Variants in SLC18A1 observed in about 807,000 individuals in gnomAD.
SLC18A1 encodes the protein solute carrier family 18 member A1.
In SLC18A1, 69 loss-of-function variants were observed where a neutral mutation model predicts 53.7. The observed-to-expected ratio is 1.28, with a 90% confidence interval of 1.06 to 1.57. SLC18A1 has a LOEUF of 1.57. Ranked by LOEUF, SLC18A1 falls within the 40% of genes most tolerant of loss-of-function variation. The pLI is 0.00. For synonymous variants in SLC18A1, 320 were observed against 248.1 expected, an observed-to-expected ratio of 1.29 and a Z score of -2.72; for missense variants, 932 against 668.1, an observed-to-expected ratio of 1.40 and a Z score of -4.35.
intron 10 of SLC18A1, among the ~76,000 whole-genome samples, chr8:20,161,916 C>T (rs143235837): frequency 7.1e-4 from 108 of 152,278 alleles, no homozygotes; most frequent in South Asian, 3.1e-3. Flanking sequence ...CATGCTGGTG[C>T]CCCTACAGTT....
intron 12 of SLC18A1, chr8:20,148,345 C>T (rs1585187610): frequency 1.3e-6 from 1 of 771,980 alleles, no homozygotes; most frequent in Non-Finnish European, 1.9e-6. Context: ...AGACTTGGCT[C>T]CATTATGCTC....
At chr8:20,158,012 G>T (rs916979234) in intron 10 of SLC18A1, among the ~76,000 whole-genome samples, 2 of 152,162 alleles carry the variant, frequency 1.3e-5, no homozygotes, top group Middle Eastern at 6.3e-3. Context: ...TCACTGGAAG[G>T]CCCACTGTCC....
At chr8:20,177,350 G>A (rs2072277069) in intron 4 of SLC18A1, among the ~76,000 whole-genome samples, 1 of 152,162 alleles carries the variant, frequency 6.6e-6, no homozygotes, top group South Asian at 2.1e-4. Flanking sequence ...AAGAAAAGTT[G>A]AGGAAGAGGA....
At chr8:20,148,988 A>G (rs1198336412) in intron 12 of SLC18A1, among the ~76,000 whole-genome samples, 1 of 152,084 alleles carries the variant, frequency 6.6e-6, no homozygotes, top group African/African-American at 2.4e-5. Flanking sequence ...ACATGCATAG[A>G]AAGTGGCAAA....
intron 10 of SLC18A1, among the ~76,000 whole-genome samples, chr8:20,161,791 A>T (rs2071836360): frequency 6.6e-6 from 1 of 152,222 alleles, no homozygotes; most frequent in African/African-American, 2.4e-5. Context: ...AATCCTGGGC[A>T]CACTGGAGTG....
intron 1 of SLC18A1, chr8:20,181,749 C>A (rs1438963346): frequency 6.6e-6 from 1 of 152,090 alleles, no homozygotes. Context: ...GTAGACCAAC[C>A]TTCATCTCAT....
intron 8 of SLC18A1, 47 bp from the exon 9 acceptor site, chr8:20,165,154 T>C: frequency 6.7e-7 from 1 of 1,482,002 alleles, no homozygotes; most frequent in African/African-American, 1.4e-5. Context: ...AGTGCATACA[T>C]CTCTCCTATT....
intron 12 of SLC18A1, among the ~76,000 whole-genome samples, chr8:20,149,219 C>T (rs193277012): frequency 6.6e-6 from 1 of 152,254 alleles, no homozygotes; most frequent in East Asian, 1.9e-4. Context: ...TCTATCAAGC[C>T]TCTGGTGCCA....
intron 8 of SLC18A1, among the ~76,000 whole-genome samples, chr8:20,167,565 C>T (rs1380701692): frequency 1.3e-5 from 2 of 152,016 alleles, no homozygotes; most frequent in Non-Finnish European, 2.9e-5. Context: ...GGCAGGGAAA[C>T]AAGGTGACCC....
intron 5 of SLC18A1, among the ~76,000 whole-genome samples, chr8:20,173,655 C>G (rs948887520): frequency 6.6e-6 from 1 of 152,158 alleles, no homozygotes; most frequent in Non-Finnish European, 1.5e-5. Context: ...ATATTATATT[C>G]ACCAGTACTT....
intron 8 of SLC18A1, among the ~76,000 whole-genome samples, chr8:20,165,963 C>A (rs1026262026): frequency 6.6e-6 from 1 of 152,096 alleles, no homozygotes; most frequent in Non-Finnish European, 1.5e-5. Context: ...CCTCTCTGCA[C>A]ACACACAATA....
intron 4 of SLC18A1, among the ~76,000 whole-genome samples, chr8:20,178,121 A>AACACACACACACACACACACACAC (rs10560327): frequency 6.7e-6 from 1 of 148,724 alleles, no homozygotes; most frequent in Non-Finnish European, 1.5e-5. Context: ...TGATGCATAT[A>AACACACACACACACACACACACAC]ACACACACAC....
chr8:20,155,591 C>T (rs1377552264), intron 10 of SLC18A1, among the ~76,000 whole-genome samples: 2 of 152,162 alleles, frequency 1.3e-5, no homozygotes, highest in Non-Finnish European at 2.9e-5. Context: ...CCCATGTGTG[C>T]ACCCCTACCT....
chr8:20,148,859 A>G (rs1251269257), intron 12 of SLC18A1, among the ~76,000 whole-genome samples: 1 of 152,176 alleles, frequency 6.6e-6, no homozygotes, highest in Non-Finnish European at 1.5e-5. Context: ...TGGGCTCACC[A>G]TGTGCCAGAC....
intron 10 of SLC18A1, among the ~76,000 whole-genome samples, chr8:20,156,464 G>A (rs912123429): frequency 2.0e-5 from 3 of 152,148 alleles, no homozygotes; most frequent in African/African-American, 4.8e-5. Flanking sequence ...AAGATAGATG[G>A]TTCCTCCCGG....
chr8:20,150,778 T>C, intron 10 of SLC18A1, 34 bp from the exon 11 acceptor site: 1 of 1,581,954 alleles, frequency 6.3e-7, no homozygotes, highest in Non-Finnish European at 8.7e-7. Context: ...CCTTAGGACA[T>C]GTCCAATTTA....
intron 1 of SLC18A1, among the ~76,000 whole-genome samples, chr8:20,182,847 T>A (rs2072464205): frequency 6.6e-6 from 1 of 152,128 alleles, no homozygotes. Flanking sequence ...TGGATAAGAA[T>A]AAAAGACAAG....
Position 20,148,943 on chromosome 8 carries a change from T to G in SLC18A1, c.1146+733A>C, listed in dbSNP as rs528069152. On this transcript the variant is annotated intron_variant, in intron 12 of 15. Transcript: ENST00000276373. ...ACCCTCTCTACATAGATGAGGATGC[T>G]GAGCACACGGAGATGAAGTAACCTG... Among the ~76,000 whole-genome samples the G allele has an allele frequency of 3.3e-5, 5 of 152,278 alleles. No homozygotes were observed. In the East Asian group the frequency reaches 9.7e-4, roughly 29 times the overall value.
At chr8:20,152,564 T>G (rs1359840338) in intron 10 of SLC18A1, among the ~76,000 whole-genome samples, 1 of 151,852 alleles carries the variant, frequency 6.6e-6, no homozygotes, top group Non-Finnish European at 1.5e-5. Flanking sequence ...TCTTAATCGA[T>G]TGGGTAGCTG....
Sources: gnomAD v4.1 joint callset for allele counts (sites outside exome capture counted in the v4.1 genomes callset) on GRCh38, gnomAD v4.1.1 for gene constraint, MANE v1.5 for transcripts, NCBI Gene and HGNC (gene_info 2026-07-23, HGNC 2026-07-21) for gene names.